The following CHD1 variants were observed in gnomAD, a reference collection of about 807,000 sequenced individuals.
The protein encoded by CHD1 is chromodomain helicase DNA binding protein 1, also known as ATP-dependent chromatin remodeler CHD1.
In CHD1, 36 loss-of-function variants were observed where a neutral mutation model predicts 224.2. The observed-to-expected ratio is 0.16, with a 90% CI of 0.12 to 0.21. CHD1 has a LOEUF of 0.21. Among genes scored for constraint, CHD1 ranks in the 10% least tolerant of loss-of-function variants. The pLI is 1.00. For missense variants in CHD1, 1,378 were observed against 1,994.8 expected, an observed-to-expected ratio of 0.69 and a Z score of 5.89; for synonymous variants, 668 against 658.3, an observed-to-expected ratio of 1.01 and a Z score of -0.23.
intron 2 of CHD1, among the ~76,000 whole-genome samples, chr5:98,909,318 T>C (rs575227628): frequency 6.7e-4 from 102 of 152,306 alleles, no homozygotes; most frequent in Non-Finnish European, 9.4e-4. Flanking sequence ...CTGGCTATTA[T>C]ATCTAGAGGC....
chr5:98,876,053 A>G (rs143091118), intron 24 of CHD1, among the ~76,000 whole-genome samples: 1 of 152,312 alleles, frequency 6.6e-6, no homozygotes, highest in East Asian at 1.9e-4. Flanking sequence ...TCCACAAAAA[A>G]TTAGTAACTT....
intron 31 of CHD1, among the ~76,000 whole-genome samples, chr5:98,863,796 T>C (rs1481603065): frequency 1.3e-5 from 2 of 152,182 alleles, no homozygotes; most frequent in Non-Finnish European, 2.9e-5. Context: ...TCTGTTATCA[T>C]TTAAAATCAG....
intron 2 of CHD1, 71 bp from the exon 3 acceptor site, chr5:98,905,169 A>G (rs878971176): frequency 6.3e-7 from 1 of 1,578,276 alleles, no homozygotes; most frequent in South Asian, 1.1e-5. Flanking sequence ...CGTCAGCAGA[A>G]AGCCCCAAAT....
At chr5:98,871,452 T>C (rs1042745261) in intron 28 of CHD1, among the ~76,000 whole-genome samples, 3 of 146,684 alleles carry the variant, frequency 2.0e-5, no homozygotes, top group Non-Finnish European at 4.5e-5. Context: ...ACAATGCCGA[T>C]GTTTTTTAAA....
At chr5:98,868,849 T>A in intron 30 of CHD1, 1 of 580,008 alleles carries the variant, frequency 1.7e-6, no homozygotes, top group Non-Finnish European at 2.7e-6. Context: ...AGGTAAAGCA[T>A]TAAAGAGTGT....
At chr5:98,890,775 G>C (rs141151641) in intron 15 of CHD1, among the ~76,000 whole-genome samples, 202 of 152,114 alleles carry the variant, frequency 1.3e-3, no homozygotes, top group African/African-American at 4.8e-3. Flanking sequence ...GAAATACAGA[G>C]GATACTGTTA....
chr5:98,873,367 T>C (rs1749508579), intron 26 of CHD1, among the ~76,000 whole-genome samples: 1 of 152,270 alleles, frequency 6.6e-6, no homozygotes, highest in Non-Finnish European at 1.5e-5. Flanking sequence ...TTTCTGACCT[T>C]ACCTCCCAGA....
intron 23 of CHD1, 124 bp from the exon 24 acceptor site, chr5:98,876,682 A>G (rs530694255): frequency 6.4e-6 from 5 of 783,574 alleles, no homozygotes; most frequent in African/African-American, 1.7e-5. Context: ...AACATTCCAT[A>G]AACAAAATTA....
intron 31 of CHD1, 24 bp downstream of exon 31, chr5:98,868,471 A>G: frequency 6.3e-7 from 1 of 1,585,636 alleles, no homozygotes; most frequent in Admixed American, 1.9e-5. Flanking sequence ...GTTAATACTA[A>G]TAATCAGAAA....
chr5:98,881,332 A>G lies in CHD1; in HGVS notation c.2911T>C (p.Phe971Leu). The G allele has an allele frequency of 6.4e-7, 1 of 1,566,236 alleles. No individual in the cohort carries two copies. The highest frequency in any genetic ancestry group is 8.6e-7 in the Non-Finnish European group (1 of 1,157,184). The change falls in exon 21 of 36, where the codon TTT (phenylalanine) becomes CTT (leucine). Residue 971 changes from phenylalanine to leucine, a missense_variant. Physicochemically the swap from Phe to Leu is conservative, Grantham distance 22. Transcript: ENST00000614616. ...NKEELSAILK[F>L]GAEELFKEPE... is the part of the protein sequence containing the mutation. ...TCCTTAAAAAGTTCTTCAGCACCAA[A>G]CTTTAAAATGGCTGATAACTCTTCT... is the stretch of plus-strand genomic sequence containing the variant.
In CHD1 at chr5:98,870,703, T is replaced by G. The variant is rs1286237026; in HGVS notation, c.3962A>C (p.Glu1321Ala). Residue 1321 changes from glutamate to alanine, a missense_variant, in exon 29 of 36, where the codon GAA becomes GCA. Glu to Ala is a moderately radical substitution (Grantham distance 107, BLOSUM62 -1). Transcript: ENST00000614616. ...KLLSRDLAKKEALSGAGSSKR... is the reference protein window; with the variant it reads ...KLLSRDLAKKAALSGAGSSKR... ...TTAACTTACCGCACCAGAAAGAGCT[T>G]CTTTTTTTGCAAGATCTCTACTAAG... is the stretch of plus-strand genomic sequence containing the variant. 1.3e-6 allele frequency: 2 copies of G among 1,596,692 alleles called. No individual in the cohort carries two copies. Among genetic ancestry groups the G allele is most frequent in the East Asian group, 2.3e-5 (1 of 44,206 alleles).
intron 15 of CHD1, among the ~76,000 whole-genome samples, chr5:98,890,688 GTAC>G (rs1260161311): frequency 6.6e-6 from 1 of 151,948 alleles, no homozygotes; most frequent in Non-Finnish European, 1.5e-5. Context: ...TCGCCATTGT[GTAC>G]TACAAAATAT....
Position 98,854,845 on chromosome 5 carries a change from ATT to A in CHD1, c.*1533_*1534del, listed in dbSNP as rs1475021791. ...ATACTTATATTCGTCAAAGATTCAA[ATT>A]TGTTACATCAAAGCATACATGCAAG... is the stretch of plus-strand genomic sequence containing the variant. On this transcript the variant is annotated 3_prime_UTR_variant, in exon 36 of 36. Transcript: ENST00000614616. The A allele has an allele frequency of 1.3e-5, 2 of 152,174 alleles. No individual in the cohort carries two copies. Among genetic ancestry groups the A allele is most frequent in the Non-Finnish European group, 2.9e-5 (2 of 68,008 alleles). The allele number at this position is 152,174 out of a possible 1,614,324, so 9.4% of individuals were successfully genotyped here. A position where few individuals can be genotyped will look rare whatever the true frequency, so the allele number is the denominator to read the frequency against.
chr5:98,896,243 T>C lies in CHD1; in HGVS notation c.1693A>G (p.Ile565Val), dbSNP rs955846907. 1 of 1,613,332 alleles carries C rather than the reference T, an allele frequency of 6.2e-7. No individual in the cohort carries two copies. Among genetic ancestry groups the C allele is most frequent in the Non-Finnish European group, 8.5e-7 (1 of 1,179,274 alleles). ...QMNAVVYLGD[I>V]NSRNMIRTHE... ...CAACTTACCATGTTTCTGCTGTTAA[T>C]GTCACCTAAATAAACCACAGCATTC... Residue 565 changes from isoleucine to valine, a missense_variant, in exon 12 of 36, where the codon ATT (isoleucine) becomes GTT (valine). Physicochemically the swap from Ile to Val is conservative, Grantham distance 29. Around this residue, in one of 16 missense-constraint regions of CHD1, gnomAD observed 49 missense variants for 135.7 expected, o/e 0.36. Coordinates refer to ENST00000614616, the MANE Select transcript of CHD1 (RefSeq NM_001270.4).
chr5:98,913,527 C>T (rs551007001), intron 2 of CHD1, among the ~76,000 whole-genome samples: 2 of 152,232 alleles, frequency 1.3e-5, no homozygotes, highest in African/African-American at 2.4e-5. Flanking sequence ...AATTTTTGGA[C>T]GCACACTTCC....
In CHD1 at chr5:98,903,846, T is replaced by C. The variant is rs141212996; in HGVS notation, c.318A>G (p.Gln106=). The C allele has an allele frequency of 7.5e-4, 1,214 of 1,613,322 alleles. No individual in the cohort carries two copies. Among genetic ancestry groups the C allele is most frequent in the Non-Finnish European group, 8.6e-4 (1,015 of 1,179,616 alleles). The stretch of plus-strand genomic sequence containing the variant: ...GATGTTGTTGTTGCTGCTGCTGCTG[T>C]TGCTGCTTCTTGAGGATTGCAGATC... ...VQRSAILKKQ[Q]QQQQQQQHQA... Residue 106 remains glutamine (Q), a synonymous_variant, in exon 4 of 36, where the codon CAA becomes CAG. Transcript: ENST00000614616.
intron 8 of CHD1, 136 bp downstream of exon 8, chr5:98,899,344 A>G (rs1055771740): frequency 6.4e-6 from 4 of 622,370 alleles, no homozygotes; most frequent in African/African-American, 5.5e-5. Context: ...AGCTGTGGAC[A>G]AAGACAGCCA....
intron 2 of CHD1, among the ~76,000 whole-genome samples, chr5:98,911,164 T>TATATATATATATATATATATAC (rs1752394385): frequency 1.5e-5 from 2 of 131,172 alleles, no homozygotes; most frequent in African/African-American, 5.9e-5. Context: ...TATATATATA[T>TATATATATATATATATATATAC]ATATATATAT....
intron 32 of CHD1, among the ~76,000 whole-genome samples, chr5:98,861,574 T>G (rs1048302443): frequency 6.6e-6 from 1 of 151,964 alleles, no homozygotes; most frequent in African/African-American, 2.4e-5. Flanking sequence ...TAAAGCAAAA[T>G]AGCTGCGACC....
Sources: gnomAD v4.1 joint callset for allele counts (sites outside exome capture counted in the v4.1 genomes callset) on GRCh38, gnomAD v4.1.1 for gene constraint, gnomAD v4.1.1 regional missense constraint, MANE v1.5 for transcripts, NCBI Gene and HGNC (gene_info 2026-07-23, HGNC 2026-07-21) for gene names.